ANKFY1: variants seen among roughly 807,000 people sequenced by gnomAD.
ANKFY1 encodes ankyrin repeat and FYVE domain-containing protein 1.
ANKFY1 carries 47 observed loss-of-function variants against 128.3 expected under a neutral mutation model. That is an observed-to-expected ratio of 0.37 (90% CI 0.29 to 0.47). The LOEUF is 0.47. ANKFY1 is among the 20% of genes least tolerant of loss of function. The pLI, the probability that ANKFY1 is intolerant of heterozygous loss-of-function variation, is 1.00. For synonymous variants in ANKFY1, 553 were observed against 601.6 expected (o/e 0.92, Z 1.18); for missense variants, 1,222 against 1,510.6 (o/e 0.81, Z 3.17).
intron 4 of ANKFY1, among the ~76,000 whole-genome samples, chr17:4,210,731 A>AAAAAAAAC (rs2060113795): frequency 6.7e-6 from 1 of 150,242 alleles, no homozygotes; most frequent in Non-Finnish European, 1.5e-5. Flanking sequence ...AAAAAAAAAA[A>AAAAAAAAC]AGCTCTCCTA....
Position 4,169,338 on chromosome 17 carries a change from G to A in ANKFY1, c.3287-50C>T, listed in dbSNP as rs549444197. The stretch of plus-strand genomic sequence containing the variant: ...TCCCGTCAAACCGCGACGGCGCCAC[G>A]CAAGCCCCAGGGCTTGGAGGCAGCA... On this transcript the variant is annotated intron_variant, in intron 23 of 24. Coordinates refer to ENST00000341657, the MANE Select transcript of ANKFY1 (RefSeq NM_001330063.2). This position sits in a 1 kb window ranked among gnomAD's most constrained non-coding sequence, Gnocchi z 5.0. 36 of 1,413,420 alleles carry A rather than the reference G, an allele frequency of 2.5e-5. No homozygotes were observed. The highest frequency in any genetic ancestry group is 1.3e-4 in the East Asian group (5 of 39,862). The allele number at this position is 1,413,420 out of a possible 1,614,324, so 87.6% of individuals were successfully genotyped here. A position where few individuals can be genotyped will look rare whatever the true frequency, so the allele number is the denominator to read the frequency against.
At position 4,178,494 on chromosome 17, in the gene ANKFY1, AG is replaced by A; in HGVS notation, c.2598+362del. ...GCAACTGAACTCCTCGGAAACACTC[AG>A]GAAGTTGCCCCAACATCACAACACA... On this transcript the variant is annotated intron_variant, in intron 18 of 24. Transcript: ENST00000341657. This position sits in a 1 kb window ranked among gnomAD's most constrained non-coding sequence, Gnocchi z 4.1. 3.8e-6 allele frequency: 1 copy of A among 262,518 alleles called. No homozygotes were observed. Among genetic ancestry groups the A allele is most frequent in the Admixed American group, 4.6e-5 (1 of 21,806 alleles). 16.3% of individuals were successfully genotyped at this position (262,518 alleles called of 1,614,324 possible).
intron 22 of ANKFY1, among the ~76,000 whole-genome samples, chr17:4,171,091 C>T (rs1006416977): frequency 3.3e-5 from 5 of 152,188 alleles, no homozygotes; most frequent in African/African-American, 7.2e-5. Flanking sequence ...GAGCAGCTGC[C>T]GTTTCCAAGA....
intron 7 of ANKFY1, among the ~76,000 whole-genome samples, chr17:4,200,003 GCT>G (rs1598060258): frequency 1.3e-5 from 2 of 152,062 alleles, no homozygotes; most frequent in Admixed American, 6.5e-5. Context: ...GAAAGCAATT[GCT>G]CTCAGTAGCC....
chr17:4,224,223 T>G (rs1372680113), intron 3 of ANKFY1, among the ~76,000 whole-genome samples: 2 of 131,312 alleles, frequency 1.5e-5, no homozygotes, highest in Admixed American at 7.7e-5. Flanking sequence ...AGTTTTTTTT[T>G]TTTTTTTTTT....
intron 11 of ANKFY1, chr17:4,187,979 G>C (rs1411490383): frequency 6.6e-6 from 1 of 152,232 alleles, no homozygotes; most frequent in African/African-American, 2.4e-5. Flanking sequence ...AAGATTTTAA[G>C]TTAGGAGATA....
intron 21 of ANKFY1, 59 bp from the exon 22 acceptor site, chr17:4,172,739 T>G: frequency 6.3e-7 from 1 of 1,592,642 alleles, no homozygotes; most frequent in Non-Finnish European, 8.5e-7. Flanking sequence ...ACACACAAAA[T>G]AAATAGAATT....
intron 1 of ANKFY1, among the ~76,000 whole-genome samples, chr17:4,244,094 C>T (rs1045781101): frequency 6.6e-6 from 1 of 152,102 alleles, no homozygotes; most frequent in East Asian, 1.9e-4. Flanking sequence ...CCACGCCCAG[C>T]TAATTTTTGT....
At chr17:4,223,736 T>A in intron 3 of ANKFY1, 1 of 1,581,192 alleles carries the variant, frequency 6.3e-7, no homozygotes, top group South Asian at 1.1e-5. Context: ...TGTGATGGCC[T>A]GTTGCTGGGC....
Position 4,184,861 on chromosome 17 carries a change from G to A in ANKFY1, c.1656C>T (p.Ala552=), listed in dbSNP as rs775892493. ...HLQTPLHMAI[A]YNHPDVVSVI... is the part of the protein sequence containing the mutation. Reference sequence around the variant, plus strand: ...CAGACACCACATCCGGATGGTTATAGGCGATCGCCATGTGCAGTGGCGTCT... The same window carrying A: ...CAGACACCACATCCGGATGGTTATAAGCGATCGCCATGTGCAGTGGCGTCT... Residue 552 remains alanine, a synonymous_variant, in exon 12 of 25, where the codon GCC becomes GCT. Transcript: ENST00000341657. The A allele has an allele frequency of 1.2e-6, 2 of 1,613,868 alleles. No individual in the cohort carries two copies. Among genetic ancestry groups the A allele is most frequent in the South Asian group, 1.1e-5 (1 of 91,080 alleles).
intron 1 of ANKFY1, among the ~76,000 whole-genome samples, chr17:4,246,754 G>A (rs944072696): frequency 3.3e-5 from 5 of 152,210 alleles, no homozygotes; most frequent in African/African-American, 4.8e-5. Context: ...TTAAACTGTT[G>A]ATCTGCAAAT....
At position 4,228,396 on chromosome 17, in the gene ANKFY1, G is replaced by C. The variant is rs138686621; in HGVS notation, c.322+7376C>G. Among the ~76,000 whole-genome samples the C allele has an allele frequency of 2.0e-5, 3 of 150,508 alleles. No homozygotes were observed. The South Asian group carries it at 6.4e-4, about 32-fold the overall frequency. The stretch of plus-strand genomic sequence containing the variant: ...CAAAGAGACATGAGGAAAGCTTTAA[G>C]GATGGAAATGTTTTTTGTTAGTTTT... On this transcript the variant is annotated intron_variant, in intron 3 of 24. Transcript: ENST00000341657.
At chr17:4,191,073 G>A (rs1031236586) in intron 10 of ANKFY1, 3 of 152,330 alleles carry the variant, frequency 2.0e-5, no homozygotes, top group Non-Finnish European at 2.9e-5. Flanking sequence ...AGGAGGCAGA[G>A]GTTGCAGTGA....
At chr17:4,263,542 G>A in intron 1 of ANKFY1, 1 of 1,314,632 alleles carries the variant, frequency 7.6e-7, no homozygotes, top group Non-Finnish European at 9.9e-7. Flanking sequence ...GACCCCTTCC[G>A]GATGCAGAAC....
At chr17:4,182,979 G>A (rs558873999) in intron 14 of ANKFY1, among the ~76,000 whole-genome samples, 1 of 152,206 alleles carries the variant, frequency 6.6e-6, no homozygotes, top group Admixed American at 6.5e-5. Context: ...GGTGGTGGGC[G>A]CCTGTAATCC....
intron 9 of ANKFY1, 95 bp downstream of exon 9, chr17:4,195,308 T>A (rs2059797580): frequency 7.0e-7 from 1 of 1,427,752 alleles, no homozygotes; most frequent in Non-Finnish European, 9.7e-7. Context: ...AACTTCTTAA[T>A]ATATGCAACA....
chr17:4,215,341 G>GA (rs931349075), intron 4 of ANKFY1, among the ~76,000 whole-genome samples: 3 of 147,488 alleles, frequency 2.0e-5, no homozygotes, highest in South Asian at 2.2e-4. Context: ...CTCCGTGGTA[G>GA]AAAAAAAAAG....
In ANKFY1 at chr17:4,181,228, T is replaced by C; in HGVS notation, c.2240+26A>G. The stretch of plus-strand genomic sequence containing the variant: ...TTGCAACAAGCTCACTAAAAAGCTG[T>C]GGAGAGATACTGGGGACTCTCAGAC... On this transcript the variant is annotated intron_variant, in intron 16 of 24. Transcript: ENST00000341657. The surrounding 1 kb of genome is among the most constrained non-coding windows in gnomAD (Gnocchi z 4.9). The C allele has an allele frequency of 6.3e-7, 1 of 1,580,580 alleles. No individual in the cohort carries two copies. The highest frequency in any genetic ancestry group is 8.7e-7 in the Non-Finnish European group (1 of 1,149,718).
At chr17:4,192,424 A>C (rs964976847) in intron 10 of ANKFY1, among the ~76,000 whole-genome samples, 37 of 151,126 alleles carry the variant, frequency 2.4e-4, no homozygotes, top group African/African-American at 8.8e-4. Context: ...GTTGATGGTT[A>C]ATCTGGAGAC....
Sources: gnomAD v4.1 joint callset for allele counts (sites outside exome capture counted in the v4.1 genomes callset) on GRCh38, gnomAD v4.1.1 for gene constraint, Gnocchi (gnomAD v3.1) non-coding constraint, MANE v1.5 for transcripts, NCBI Gene and HGNC (gene_info 2026-07-23, HGNC 2026-07-21) for gene names.